Variants in DNAH8 observed in about 807,000 individuals in gnomAD.
The protein encoded by DNAH8 is axonemal beta dynein heavy chain 8.
DNAH8 carries 382 observed loss-of-function variants against 562.1 expected under a neutral mutation model. The ratio of observed to expected loss-of-function variants is 0.68; its 90% CI spans 0.63 to 0.74. DNAH8 has a LOEUF of 0.74. Ranked by LOEUF, DNAH8 falls within the 30% of genes least tolerant of loss-of-function variation. The pLI, the probability that DNAH8 is intolerant of heterozygous loss-of-function variation, is 0.00. For missense variants in DNAH8, 5,203 were observed against 5,620.4 expected, an observed-to-expected ratio of 0.93 and a Z score of 2.37; for synonymous variants, 1,881 against 1,919.4, an observed-to-expected ratio of 0.98 and a Z score of 0.52.
chr6:38,861,309 T>C (rs1776604120), intron 43 of DNAH8, among the ~76,000 whole-genome samples: 1 of 152,182 alleles, frequency 6.6e-6, no homozygotes, highest in Admixed American at 6.5e-5. Context: ...CAACATAAAT[T>C]TGTCAGTGTT....
At chr6:38,826,041 G>A in intron 28 of DNAH8, 115 bp from the exon 29 acceptor site, 2 of 658,558 alleles carry the variant, frequency 3.0e-6, no homozygotes, top group East Asian at 2.8e-5. Flanking sequence ...CATTTCAAGT[G>A]TTCAAAAGCC....
chr6:39,029,528 G>A (rs927612136), intron 92 of DNAH8, among the ~76,000 whole-genome samples: 2 of 152,178 alleles, frequency 1.3e-5, no homozygotes, highest in Non-Finnish European at 2.9e-5. Flanking sequence ...CCCAGGGTAG[G>A]GCCTATTGTA....
rs1371598194 is a variant in DNAH8 at position 38,921,475 on chromosome 6, C to T, written c.10631C>T (p.Ala3544Val). The change falls in exon 71 of 93, where the codon GCA becomes GTA. Residue 3544 changes from alanine to valine, a missense_variant. By Grantham distance (64) the Ala-to-Val change is moderately conservative. Around this residue, in one of 6 missense-constraint regions of DNAH8, gnomAD observed 1,399 missense variants for 1,518.4 expected, o/e 0.92. Transcript: ENST00000327475. ...CAAGCTGAGCTGGATAAAGTACAGG[C>T]AAAATTTGATGCAGCAATGAATGAG... is the stretch of plus-strand genomic sequence containing the variant. ...EKQAELDKVQ[A>V]KFDAAMNEKM... 5.6e-6 allele frequency: 9 copies of T among 1,612,922 alleles called. No individual in the cohort carries two copies. Among genetic ancestry groups the T allele is most frequent in the Non-Finnish European group, 7.6e-6 (9 of 1,179,580 alleles).
At chr6:38,793,902 G>T (rs1286755660) in intron 21 of DNAH8, among the ~76,000 whole-genome samples, 1 of 152,042 alleles carries the variant, frequency 6.6e-6, no homozygotes, top group Non-Finnish European at 1.5e-5. Context: ...GTTTCTTCCT[G>T]TTTTTTACAG....
intron 33 of DNAH8, among the ~76,000 whole-genome samples, chr6:38,842,033 TATCATTA>T (rs1774844948): frequency 6.6e-6 from 1 of 152,232 alleles, no homozygotes; most frequent in African/African-American, 2.4e-5. Context: ...GCTATGACCT[TATCATTA>T]AGTTTTGGTC....
chr6:38,722,612 C>G (rs1762849101), intron 1 of DNAH8, among the ~76,000 whole-genome samples, 164 bp from the exon 2 acceptor site: 1 of 150,004 alleles, frequency 6.7e-6, no homozygotes, highest in Non-Finnish European at 1.5e-5. Context: ...GTGCTGTCCT[C>G]ACTAAAAATA....
rs1334749376 is a variant in DNAH8, at chr6:38,911,418, T to C, written c.9741-50T>C. 2.3e-6 allele frequency: 3 copies of C among 1,315,564 alleles called. No homozygotes were observed. The African/African-American group carries it at 4.4e-5, about 19-fold the overall frequency. 81.5% of individuals were successfully genotyped at this position (1,315,564 alleles called of 1,614,324 possible). On this transcript the variant is annotated intron_variant, in intron 65 of 92. Coordinates refer to ENST00000327475, the MANE Select transcript of DNAH8 (RefSeq NM_001206927.2). ...TCACCTTGGGAAAGGTGTCGTTTTA[T>C]GGGAGTACGCACAATGATTGAAATG...
chr6:38,800,080 C>T (rs1211584144), intron 21 of DNAH8, among the ~76,000 whole-genome samples: 1 of 152,100 alleles, frequency 6.6e-6, no homozygotes, highest in Non-Finnish European at 1.5e-5. Flanking sequence ...AACTTCATTT[C>T]TTTTTATTGC....
intron 89 of DNAH8, among the ~76,000 whole-genome samples, chr6:39,010,455 G>C (rs908269963): frequency 2.6e-5 from 4 of 152,040 alleles, no homozygotes; most frequent in African/African-American, 4.8e-5. Flanking sequence ...GACAATTTTA[G>C]GCTGGAACAA....
chr6:38,733,603 AG>A (rs1763832173), intron 4 of DNAH8, among the ~76,000 whole-genome samples: 1 of 152,212 alleles, frequency 6.6e-6, no homozygotes, highest in Non-Finnish European at 1.5e-5. Flanking sequence ...TACCCAGAGG[AG>A]GCTGCAATTT....
chr6:38,843,054 C>A, intron 35 of DNAH8, 151 bp downstream of exon 35: 1 of 660,586 alleles, frequency 1.5e-6, no homozygotes, highest in Non-Finnish European at 2.5e-6. Flanking sequence ...ACATTCTTGA[C>A]TTTTATGAAA....
intron 87 of DNAH8, among the ~76,000 whole-genome samples, chr6:38,988,745 C>T (rs990275256): frequency 9.2e-5 from 14 of 152,150 alleles, no homozygotes; most frequent in Non-Finnish European, 1.5e-4. Context: ...TATGTGGCCT[C>T]CCCATTCCAA....
rs1455127575 is a variant in DNAH8, at chr6:38,842,450, T to C, written c.4549T>C (p.Trp1517Arg). Reference sequence around the variant, plus strand: ...TATTAGTGGTTATTATGAAATACTTTGGGGAGATGTAGATATTGAAAAAAT... The same window carrying C: ...TATTAGTGGTTATTATGAAATACTTCGGGGAGATGTAGATATTGAAAAAAT... Reference protein sequence around the residue: ...SSISGYYEILWGDVDIEKINA... With the variant: ...SSISGYYEILRGDVDIEKINA... Residue 1517 changes from tryptophan to arginine, a missense_variant, in exon 34 of 93, where the codon TGG (tryptophan) becomes CGG (arginine). By Grantham distance (101) the Trp-to-Arg change is moderately radical. This residue lies in a region of DNAH8 where 2,176 missense variants were observed against 2,365.1 expected (regional missense o/e 0.92). Coordinates refer to ENST00000327475, the MANE Select transcript of DNAH8 (RefSeq NM_001206927.2). 1.2e-6 allele frequency: 2 copies of C among 1,613,304 alleles called. No homozygotes were observed. The highest frequency in any genetic ancestry group is 3.3e-5 in the Admixed American group (2 of 59,968).
chr6:38,959,043 A>G (rs771526996), intron 82 of DNAH8, among the ~76,000 whole-genome samples: 6 of 152,216 alleles, frequency 3.9e-5, no homozygotes, highest in Admixed American at 3.9e-4. Flanking sequence ...GATCATCTCA[A>G]TAGACACAGA....
chr6:39,016,260 A>C (rs990748605), intron 91 of DNAH8, among the ~76,000 whole-genome samples: 1 of 151,828 alleles, frequency 6.6e-6, no homozygotes, highest in Non-Finnish European at 1.5e-5. Context: ...TAAATAAAAA[A>C]CCCTACATAG....
intron 22 of DNAH8, among the ~76,000 whole-genome samples, chr6:38,804,778 AGAGAGAGAGAG>A (rs1437074331): frequency 6.6e-6 from 1 of 151,820 alleles, no homozygotes; most frequent in African/African-American, 2.4e-5. Flanking sequence ...AGAGAGAGAG[AGAGAGAGAGAG>A]AAAGAGAAAA....
chr6:38,781,114 A>T, intron 15 of DNAH8, 140 bp from the exon 16 acceptor site: 3 of 775,010 alleles, frequency 3.9e-6, no homozygotes, highest in East Asian at 2.8e-5. Context: ...GTTACCTTGG[A>T]TGTGCATTTA....
chr6:38,778,536 T>G, intron 14 of DNAH8, 72 bp downstream of exon 14: 1 of 964,372 alleles, frequency 1.0e-6, no homozygotes, highest in South Asian at 1.5e-5. Flanking sequence ...AATTTCAAAT[T>G]AGGATGTTGT....
intron 80 of DNAH8, among the ~76,000 whole-genome samples, chr6:38,946,071 A>G (rs1274266141): frequency 6.6e-6 from 1 of 152,196 alleles, no homozygotes; most frequent in East Asian, 1.9e-4. Flanking sequence ...TTGAAAATGT[A>G]CATTGATTAC....
Sources: gnomAD v4.1 joint callset for allele counts (sites outside exome capture counted in the v4.1 genomes callset) on GRCh38, gnomAD v4.1.1 for gene constraint, gnomAD v4.1.1 regional missense constraint, MANE v1.5 for transcripts, NCBI Gene and HGNC (gene_info 2026-07-23, HGNC 2026-07-21) for gene names.